FRMD6: variants seen among roughly 807,000 people sequenced by gnomAD.
FRMD6 encodes the protein FERM domain containing 6.
Under a neutral mutation model 73.2 loss-of-function variants are expected in FRMD6, and 37 were observed. The ratio of observed to expected loss-of-function variants is 0.51; its 90% CI spans 0.39 to 0.66. FRMD6 has a LOEUF of 0.66. FRMD6 is among the 30% of genes least tolerant of loss of function. FRMD6 has a pLI of 0.00. For missense variants in FRMD6, 714 were observed against 780.5 expected, an observed-to-expected ratio of 0.91 and a Z score of 1.02; for synonymous variants, 273 against 282.2, an observed-to-expected ratio of 0.97 and a Z score of 0.33.
chr14:51,662,378 G>A (rs1566542024), intron 1 of FRMD6, among the ~76,000 whole-genome samples: 1 of 152,100 alleles, frequency 6.6e-6, no homozygotes, highest in South Asian at 2.1e-4. Context: ...AAAGCTGGAG[G>A]CAACATGGTA....
At chr14:51,727,657 C>A (rs1898050735) in intron 13 of FRMD6, 88 bp from the exon 14 acceptor site, 2 of 1,303,358 alleles carry the variant, frequency 1.5e-6, no homozygotes, top group Non-Finnish European at 2.1e-6. Flanking sequence ...ATTACTTAAC[C>A]TTTTGTGGTT....
intron 1 of FRMD6, among the ~76,000 whole-genome samples, chr14:51,555,797 TG>T (rs1887094468): frequency 7.2e-6 from 1 of 139,194 alleles, no homozygotes; most frequent in Non-Finnish European, 1.6e-5. Context: ...AGCAAAATTC[TG>T]ACTCAAAAAA....
At chr14:51,606,871 G>A (rs1404829995) in intron 2 of FRMD6, among the ~76,000 whole-genome samples, 1 of 152,124 alleles carries the variant, frequency 6.6e-6, no homozygotes, top group Non-Finnish European at 1.5e-5. Flanking sequence ...TGAGGCCAAA[G>A]GCCTGAGAAC....
chr14:51,449,142 CA>C, the FRMD6 span, among the ~76,000 whole-genome samples: 2 of 152,258 alleles, frequency 1.3e-5, no homozygotes, highest in African/African-American at 4.8e-5. Context: ...TGCTGGTGGC[CA>C]CAGTCATGCA....
chr14:51,673,751 A>G (rs1894185057), intron 1 of FRMD6, among the ~76,000 whole-genome samples: 2 of 152,212 alleles, frequency 1.3e-5, no homozygotes, highest in Non-Finnish European at 2.9e-5. Context: ...CTTTTGCATA[A>G]TTATGTGTGG....
chr14:51,625,932 C>T (rs542636422), intron 2 of FRMD6, among the ~76,000 whole-genome samples: 25 of 152,162 alleles, frequency 1.6e-4, no homozygotes, highest in Non-Finnish European at 3.4e-4. Context: ...TCTCCCCCGA[C>T]CAGACTATGA....
the FRMD6 span, among the ~76,000 whole-genome samples, chr14:51,481,789 GA>G: frequency 6.6e-6 from 1 of 152,242 alleles, no homozygotes; most frequent in African/African-American, 2.4e-5. Flanking sequence ...TGGAAAGCAT[GA>G]GAGTGCTTTC....
intron 1 of FRMD6, among the ~76,000 whole-genome samples, chr14:51,544,384 C>T (rs77439286): frequency 0.018 from 2,697 of 152,038 alleles, 42 homozygotes; most frequent in Non-Finnish European, 0.025. Context: ...AAACTAAAAT[C>T]GTTCTTCTTC....
intron 2 of FRMD6, chr14:51,576,257 A>G (rs1042388234): frequency 1.3e-5 from 2 of 152,252 alleles, no homozygotes; most frequent in Non-Finnish European, 2.9e-5. Context: ...GTTTCTCCAC[A>G]TTCCTATAGC....
At chr14:51,499,008 C>T (rs578237302) in intron 1 of FRMD6, among the ~76,000 whole-genome samples, 1 of 152,352 alleles carries the variant, frequency 6.6e-6, no homozygotes, top group Non-Finnish European at 1.5e-5. Flanking sequence ...AGATTCCACC[C>T]ATGCTTGCTC....
the FRMD6 span, among the ~76,000 whole-genome samples, chr14:51,422,572 G>T: frequency 3.3e-5 from 5 of 152,124 alleles, no homozygotes; most frequent in Non-Finnish European, 7.4e-5. Context: ...TAATTAAAAA[G>T]ATCTGGGAAT....
chr14:51,415,004 A>G, the FRMD6 span, among the ~76,000 whole-genome samples: 5 of 152,150 alleles, frequency 3.3e-5, no homozygotes, highest in Non-Finnish European at 7.3e-5. Context: ...CTGATTTTGT[A>G]TCTTGAGATT....
At chr14:51,653,046 C>T (rs956640702) in intron 1 of FRMD6, among the ~76,000 whole-genome samples, 1 of 152,128 alleles carries the variant, frequency 6.6e-6, no homozygotes, top group Non-Finnish European at 1.5e-5. Context: ...TTTTTTTACG[C>T]AAAATCTGTT....
intron 1 of FRMD6, among the ~76,000 whole-genome samples, chr14:51,658,874 A>G (rs941382079): frequency 6.6e-6 from 1 of 152,230 alleles, no homozygotes; most frequent in South Asian, 2.1e-4. Flanking sequence ...TAAAAAGGTG[A>G]AGAGAAGTTA....
chr14:51,547,121 A>G (rs143694886), intron 1 of FRMD6, among the ~76,000 whole-genome samples: 283 of 152,282 alleles, frequency 1.9e-3, no homozygotes, highest in African/African-American at 6.5e-3. Flanking sequence ...ACCTGTTGGC[A>G]TTTAAAAATT....
the FRMD6 span, among the ~76,000 whole-genome samples, chr14:51,471,498 C>G: frequency 7.3e-6 from 1 of 136,238 alleles, no homozygotes. Context: ...CAGACTCCGT[C>G]TCGAAAAAAA....
chr14:51,416,392 G>A, the FRMD6 span, among the ~76,000 whole-genome samples: 1 of 152,158 alleles, frequency 6.6e-6, no homozygotes, highest in African/African-American at 2.4e-5. Context: ...CTTTATTTCT[G>A]CCTTCATTTC....
intron 2 of FRMD6, among the ~76,000 whole-genome samples, chr14:51,628,258 G>C (rs1167031311): frequency 6.6e-6 from 1 of 152,116 alleles, no homozygotes; most frequent in African/African-American, 2.4e-5. Context: ...TTAATATGAA[G>C]ATCACTTTAT....
At chr14:51,704,140 AT>A (rs1320913215) in intron 5 of FRMD6, among the ~76,000 whole-genome samples, 2 of 152,158 alleles carry the variant, frequency 1.3e-5, no homozygotes, top group Non-Finnish European at 2.9e-5. Flanking sequence ...CTTCAAAAAA[AT>A]CCCCAAAAAA....
Sources: allele counts gnomAD v4.1 joint callset (sites outside exome capture counted in the v4.1 genomes callset), GRCh38; gene constraint gnomAD v4.1.1; transcripts MANE v1.5; gene names NCBI Gene and HGNC (gene_info 2026-07-23, HGNC 2026-07-21).